Variants in PPME1 observed in about 807,000 individuals in gnomAD.
PPME1 encodes the protein protein phosphatase methylesterase 1.
A neutral mutation model predicts 56.9 loss-of-function variants in PPME1; 17 were observed. The ratio of observed to expected loss-of-function variants is 0.30; its 90% CI spans 0.20 to 0.45. The LOEUF is 0.45. PPME1 is among the 20% of genes least tolerant of loss of function. The pLI, the probability that PPME1 is intolerant of heterozygous loss-of-function variation, is 1.00. For synonymous variants in PPME1, 122 were observed against 156.2 expected (o/e 0.78, Z 1.63); for missense variants, 357 against 483.2 (o/e 0.74, Z 2.45).
At chr11:74,179,101 T>A (rs995332680) in intron 1 of PPME1, among the ~76,000 whole-genome samples, 1 of 152,224 alleles carries the variant, frequency 6.6e-6, no homozygotes, top group African/African-American at 2.4e-5. Flanking sequence ...AGACCGAAGT[T>A]GTTTACTTAT....
intron 7 of PPME1, among the ~76,000 whole-genome samples, chr11:74,235,324 G>A (rs777437932): frequency 1.1e-4 from 17 of 152,014 alleles, no homozygotes; most frequent in Non-Finnish European, 2.1e-4. Flanking sequence ...AGAAGCTGGC[G>A]CCTGCCTTCC....
At chr11:74,227,737 T>C (rs1344601226) in intron 5 of PPME1, among the ~76,000 whole-genome samples, 4 of 152,170 alleles carry the variant, frequency 2.6e-5, no homozygotes, top group Admixed American at 6.5e-5. Flanking sequence ...CTTTATTGTA[T>C]TTCTCTGGAT....
chr11:74,222,707 T>C (rs1858829921), intron 4 of PPME1: 1 of 307,904 alleles, frequency 3.2e-6, no homozygotes. Flanking sequence ...CAGGCTGATA[T>C]CAAACTCTTG....
chr11:74,224,318 C>A (rs1156525822), intron 4 of PPME1, among the ~76,000 whole-genome samples: 1 of 142,476 alleles, frequency 7.0e-6, no homozygotes, highest in East Asian at 2.0e-4. Context: ...TGTTTTGGTA[C>A]CAGTACCATG....
At chr11:74,203,579 A>G (rs1366441890) in intron 1 of PPME1, 149 bp from the exon 2 acceptor site, 1 of 480,636 alleles carries the variant, frequency 2.1e-6, no homozygotes, top group Non-Finnish European at 3.6e-6. Context: ...TACATTTTTA[A>G]TATGATACTT....
At chr11:74,208,732 A>G (rs753324148) in intron 3 of PPME1, among the ~76,000 whole-genome samples, 6 of 152,342 alleles carry the variant, frequency 3.9e-5, no homozygotes, top group Admixed American at 6.5e-5. Flanking sequence ...AAGGTAATGC[A>G]GAGGAAGGAA....
chr11:74,197,750 G>T (rs1346575717), intron 1 of PPME1, among the ~76,000 whole-genome samples: 5 of 152,160 alleles, frequency 3.3e-5, no homozygotes, highest in Non-Finnish European at 7.4e-5. Context: ...AGGTTGTTAA[G>T]GTCAAATTAT....
At chr11:74,199,490 G>T (rs887407474) in intron 1 of PPME1, among the ~76,000 whole-genome samples, 1 of 152,016 alleles carries the variant, frequency 6.6e-6, no homozygotes, top group South Asian at 2.1e-4. Context: ...GAGAGACAGG[G>T]TCTCACGGTT....
chr11:74,222,792 T>G (rs1858832106), intron 4 of PPME1: 1 of 164,464 alleles, frequency 6.1e-6, no homozygotes, highest in South Asian at 1.7e-4. Context: ...CCCAGCTCGA[T>G]TTGGGCATTT....
chr11:74,192,517 G>A (rs1857866215), intron 1 of PPME1, among the ~76,000 whole-genome samples: 2 of 152,092 alleles, frequency 1.3e-5, no homozygotes, highest in African/African-American at 2.4e-5. Flanking sequence ...GTGAGAAGGA[G>A]ATGAAATTGA....
intron 3 of PPME1, among the ~76,000 whole-genome samples, chr11:74,217,085 AGAG>A (rs1858666755): frequency 6.6e-6 from 1 of 152,224 alleles, no homozygotes. Context: ...TCTGAAAAAT[AGAG>A]GAGGAGGGAA....
intron 1 of PPME1, among the ~76,000 whole-genome samples, chr11:74,172,165 A>C (rs1456965308): frequency 6.6e-6 from 1 of 152,198 alleles, no homozygotes; most frequent in Non-Finnish European, 1.5e-5. Flanking sequence ...AGTAGGCCTA[A>C]GGTAAGGTGG....
chr11:74,204,261 T>G, intron 2 of PPME1, 92 bp from the exon 3 acceptor site: 1 of 964,278 alleles, frequency 1.0e-6, no homozygotes, highest in Non-Finnish European at 1.6e-6. Flanking sequence ...TCTGCAGTTT[T>G]GCATGTAAGT....
rs1270203276 is a variant in PPME1, at chr11:74,182,968, G to A, written c.101+11446G>A. 2.7e-5 allele frequency among the ~76,000 whole-genome samples: 4 copies of A among 150,190 alleles called. 1 individual carries two copies. In the Admixed American group the frequency reaches 2.7e-4, roughly 10 times the overall value. ...GCTCAGGAGTTCAAGACCAACCTGG[G>A]CAACATAGCTAGACCTTGTCTCTAC... On this transcript the variant is annotated intron_variant, in intron 1 of 13. Transcript: ENST00000328257.
chr11:74,224,877 A>G (rs1255926912), intron 4 of PPME1, among the ~76,000 whole-genome samples: 1 of 150,644 alleles, frequency 6.6e-6, no homozygotes, highest in Non-Finnish European at 1.5e-5. Flanking sequence ...ATATACAATC[A>G]TGTCGTCTGC....
At chr11:74,218,517 C>A (rs1858715097) in intron 3 of PPME1, among the ~76,000 whole-genome samples, 1 of 152,098 alleles carries the variant, frequency 6.6e-6, no homozygotes, top group Admixed American at 6.6e-5. Context: ...AGGGTTATAA[C>A]AACCAGAGCA....
intron 3 of PPME1, among the ~76,000 whole-genome samples, chr11:74,216,498 A>G (rs1169015110): frequency 1.3e-5 from 2 of 152,136 alleles, no homozygotes; most frequent in Middle Eastern, 3.2e-3. Flanking sequence ...AAGCCATACT[A>G]AAAGGAAAGT....
chr11:74,172,231 A>G (rs1358646841), intron 1 of PPME1, among the ~76,000 whole-genome samples: 1 of 152,170 alleles, frequency 6.6e-6, no homozygotes, highest in African/African-American at 2.4e-5. Context: ...GAAGCTGGAC[A>G]GGATAAGGGA....
intron 1 of PPME1, among the ~76,000 whole-genome samples, chr11:74,187,344 C>T (rs904930706): frequency 6.6e-6 from 1 of 152,176 alleles, no homozygotes; most frequent in Non-Finnish European, 1.5e-5. Context: ...GTATTGCCAA[C>T]TTAATAATAC....
Sources: gnomAD v4.1 joint callset for allele counts (sites outside exome capture counted in the v4.1 genomes callset) on GRCh38, gnomAD v4.1.1 for gene constraint, MANE v1.5 for transcripts, NCBI Gene and HGNC (gene_info 2026-07-23, HGNC 2026-07-21) for gene names.